The following SOX6 variants were observed in gnomAD, a reference collection of about 807,000 sequenced individuals.
The protein encoded by SOX6 is transcription factor SOX-6.
In SOX6, 11 loss-of-function variants were observed where a neutral mutation model predicts 97.8. The observed-to-expected ratio is 0.11, with a 90% CI of 0.07 to 0.19. The LOEUF is 0.19. SOX6 is among the 10% of genes least tolerant of loss of function. SOX6 has a pLI of 1.00. For missense variants in SOX6, 810 were observed against 1,039.5 expected (o/e 0.78, Z 3.04); for synonymous variants, 360 against 371.4 (o/e 0.97, Z 0.35).
intron 3 of SOX6, among the ~76,000 whole-genome samples, chr11:16,284,912 A>C (rs1291970464): frequency 6.6e-6 from 1 of 152,142 alleles, no homozygotes; most frequent in Non-Finnish European, 1.5e-5. Context: ...ACATGTCCTA[A>C]GGTCTAAACA....
At chr11:16,680,534 G>A (rs1395023978) in intron 3 of SOX6, among the ~76,000 whole-genome samples, 1 of 152,190 alleles carries the variant, frequency 6.6e-6, no homozygotes, top group African/African-American at 2.4e-5. Context: ...TAGACGCTAT[G>A]AAGAAACGGC....
chr11:16,229,097 T>C (rs932967610), intron 4 of SOX6, among the ~76,000 whole-genome samples: 1 of 152,118 alleles, frequency 6.6e-6, no homozygotes, highest in African/African-American at 2.4e-5. Context: ...ACATAGAATT[T>C]TCCAATGGCA....
At chr11:16,602,318 C>A (rs760959326) in intron 4 of SOX6, among the ~76,000 whole-genome samples, 1 of 152,072 alleles carries the variant, frequency 6.6e-6, no homozygotes, top group Admixed American at 6.5e-5. Context: ...TGTCACTATG[C>A]CTATGGAATT....
At position 15,967,438 on chromosome 11, in the gene SOX6, CACAA is replaced by C. The variant is rs1346197789; in HGVS notation, c.*5367_*5370del. On this transcript the variant is annotated 3_prime_UTR_variant, in exon 16 of 16. Transcript: ENST00000683767. ...TAGAATACAATTTCACAATATACAT[CACAA>C]ACAAATTACAACGTCGGGGGAAATA... is the stretch of plus-strand genomic sequence containing the variant. 6.6e-6 allele frequency: 1 copy of C among 152,148 alleles called. No individual in the cohort carries two copies. 9.4% of individuals were successfully genotyped at this position (152,148 alleles called of 1,614,324 possible).
At chr11:16,112,620 T>C (rs1362248927) in intron 6 of SOX6, among the ~76,000 whole-genome samples, 1 of 152,190 alleles carries the variant, frequency 6.6e-6, no homozygotes, top group Non-Finnish European at 1.5e-5. Context: ...AATCCTACTA[T>C]ATCAAATTTC....
At chr11:16,464,951 T>A (rs1384963701) in intron 1 of SOX6, among the ~76,000 whole-genome samples, 1 of 152,222 alleles carries the variant, frequency 6.6e-6, no homozygotes, top group East Asian at 1.9e-4. Context: ...TTTCCACATC[T>A]TAAAAAAGTC....
At chr11:16,513,953 G>C (rs985077618) in intron 4 of SOX6, among the ~76,000 whole-genome samples, 7 of 152,030 alleles carry the variant, frequency 4.6e-5, no homozygotes, top group African/African-American at 1.7e-4. Flanking sequence ...GATTACACCT[G>C]TAATCCCAGC....
intron 4 of SOX6, among the ~76,000 whole-genome samples, chr11:16,498,668 G>A (rs541353449): frequency 6.6e-6 from 1 of 152,108 alleles, no homozygotes; most frequent in Non-Finnish European, 1.5e-5. Context: ...CCCAGTCTCT[G>A]ATAAAACAGA....
intron 6 of SOX6, among the ~76,000 whole-genome samples, chr11:16,138,572 T>A (rs975715012): frequency 1.3e-5 from 2 of 152,078 alleles, no homozygotes; most frequent in African/African-American, 4.8e-5. Context: ...TATTATACTT[T>A]AAGTTTTAGG....
At chr11:16,529,778 T>TG (rs141890919) in intron 4 of SOX6, among the ~76,000 whole-genome samples, 2,542 of 152,164 alleles carry the variant, frequency 0.017, 21 homozygotes, top group Non-Finnish European at 0.028. Flanking sequence ...TTCTAGTTGG[T>TG]GGCACTCAGA....
chr11:16,583,620 T>TATATATACACACACACACAC lies in SOX6; in HGVS notation n.609+28460_609+28461insGTGTGTGTGTGTGTATATAT, dbSNP rs1554976110. On this transcript the variant is annotated intron_variant and non_coding_transcript_variant, in intron 4 of 5. Coordinates refer to the SOX6 transcript ENST00000524520. ...ATATATGTGTATATATATACATATA[T>TATATATACACACACACACAC]ATATATATATATATATACACATACA... 2.9e-5 allele frequency among the ~76,000 whole-genome samples: 4 copies of TATATATACACACACACACAC among 136,962 alleles called. No individual in the cohort carries two copies. In the East Asian group the frequency reaches 6.0e-4, roughly 20 times the overall value. The allele number at this position is 136,962 out of a possible 152,430, so 89.9% of individuals were successfully genotyped here. A position where few individuals can be genotyped will look rare whatever the true frequency, so the allele number is the denominator to read the frequency against.
At chr11:16,391,312 A>G (rs1382996857) in intron 1 of SOX6, among the ~76,000 whole-genome samples, 1 of 152,094 alleles carries the variant, frequency 6.6e-6, no homozygotes, top group Non-Finnish European at 1.5e-5. Context: ...CCTTTTGCAC[A>G]TGTAACCCAG....
At chr11:16,506,949 A>T (rs1413476693) in intron 4 of SOX6, among the ~76,000 whole-genome samples, 2 of 151,536 alleles carry the variant, frequency 1.3e-5, no homozygotes, top group Non-Finnish European at 2.9e-5. Context: ...CTGTAATCCC[A>T]GCTACTCAGG....
intron 4 of SOX6, among the ~76,000 whole-genome samples, chr11:16,513,427 G>C (rs1292453345): frequency 1.3e-5 from 2 of 152,126 alleles, no homozygotes; most frequent in Non-Finnish European, 2.9e-5. Flanking sequence ...GAGGTCAGAA[G>C]TTTGAGACCA....
chr11:16,665,218 G>C (rs1847798161), intron 3 of SOX6, among the ~76,000 whole-genome samples: 1 of 151,986 alleles, frequency 6.6e-6, no homozygotes. Context: ...ATACCAGTGG[G>C]ATAGAGCAAC....
At chr11:16,138,507 C>A (rs969315421) in intron 6 of SOX6, among the ~76,000 whole-genome samples, 2 of 151,722 alleles carry the variant, frequency 1.3e-5, no homozygotes, top group African/African-American at 4.8e-5. Flanking sequence ...ATCTTTATAA[C>A]CTTAAAAATT....
intron 4 of SOX6, among the ~76,000 whole-genome samples, chr11:16,525,937 C>T (rs188185729): frequency 0.1 from 15,901 of 151,998 alleles, 897 homozygotes; most frequent in Non-Finnish European, 0.14. Flanking sequence ...CAATGAGATA[C>T]CATCTCACAC....
Position 16,196,903 on chromosome 11 carries a change from G to A in SOX6, c.536-9948C>T, listed in dbSNP as rs191221107. 7.4e-3 allele frequency among the ~76,000 whole-genome samples: 1,034 copies of A among 139,898 alleles called. 6 individuals are homozygous for A. Among genetic ancestry groups the A allele is most frequent in the Admixed American group, 0.013 (170 of 13,204 alleles). 91.8% of individuals were successfully genotyped at this position (139,898 alleles called of 152,430 possible). On this transcript the variant is annotated intron_variant, in intron 4 of 15. Transcript: ENST00000683767. Reference sequence around the variant, plus strand: ...GGCTGGAGTGCAGTGGTGTGATCTCGGCTCACTGCAGCCTCCACCTCCTGG... The same window carrying A: ...GGCTGGAGTGCAGTGGTGTGATCTCAGCTCACTGCAGCCTCCACCTCCTGG...
chr11:16,573,181 G>A (rs1208699695), intron 4 of SOX6, among the ~76,000 whole-genome samples: 1 of 152,102 alleles, frequency 6.6e-6, no homozygotes, highest in Non-Finnish European at 1.5e-5. Flanking sequence ...TTTCACCACT[G>A]TTCCTCAGAA....
Sources: allele counts gnomAD v4.1 joint callset (sites outside exome capture counted in the v4.1 genomes callset), GRCh38; gene constraint gnomAD v4.1.1; transcripts MANE v1.5; gene names NCBI Gene and HGNC (gene_info 2026-07-23, HGNC 2026-07-21).